Variants in ANKRD11 observed in about 807,000 individuals in gnomAD.
The protein encoded by ANKRD11 is ankyrin repeat domain 11.
A neutral mutation model predicts 195.7 loss-of-function variants in ANKRD11; 17 were observed. The observed-to-expected ratio is 0.09, with a 90% confidence interval of 0.06 to 0.13. The LOEUF (loss-of-function observed/expected upper bound fraction) is 0.13, where lower values mean the gene tolerates loss of function less well. ANKRD11 is among the 10% of genes least tolerant of loss of function. The pLI is 1.00. For missense variants in ANKRD11, 3,735 were observed against 3,566.1 expected (o/e 1.05, Z -1.21); for synonymous variants, 1,953 against 1,528.1 (o/e 1.28, Z -6.49).
chr16:89,390,029 A>G (rs2911250), intron 2 of ANKRD11, among the ~76,000 whole-genome samples: 25 of 47,702 alleles, frequency 5.2e-4, no homozygotes, highest in South Asian at 2.1e-3. Flanking sequence ...ACCGAGTGTG[A>G]CGGGGAGCAC....
At chr16:89,485,773 G>C (rs1331430518) in intron 1 of ANKRD11, among the ~76,000 whole-genome samples, 2 of 152,154 alleles carry the variant, frequency 1.3e-5, no homozygotes, top group African/African-American at 4.8e-5. Flanking sequence ...CCTCCAAAGA[G>C]ATCATTTTTT....
chr16:89,418,387 A>G lies in ANKRD11; in HGVS notation c.-144-19T>C. 2.3e-6 allele frequency: 1 copy of G among 431,086 alleles called. No individual in the cohort carries two copies. The highest frequency in any genetic ancestry group is 2.0e-5 in the African/African-American group (1 of 49,604). 26.7% of individuals were successfully genotyped at this position (431,086 alleles called of 1,614,324 possible). A position where few individuals can be genotyped will look rare whatever the true frequency, so the allele number is the denominator to read the frequency against. ...ATATATTCTGAAACAAGAGAGTGAGATTAGCTCATGTCAATAATAATTTCA... is the reference window on the plus strand; with the variant it reads ...ATATATTCTGAAACAAGAGAGTGAGGTTAGCTCATGTCAATAATAATTTCA... On this transcript the variant is annotated intron_variant, in intron 1 of 12. Coordinates refer to ENST00000301030, the MANE Select transcript of ANKRD11 (RefSeq NM_013275.6).
intron 2 of ANKRD11, among the ~76,000 whole-genome samples, chr16:89,384,430 C>T (rs1021659814): frequency 3.9e-5 from 6 of 151,918 alleles, no homozygotes; most frequent in African/African-American, 1.2e-4. Context: ...ATGTGGGGGG[C>T]TGAGGCAGAG....
intron 2 of ANKRD11, among the ~76,000 whole-genome samples, chr16:89,341,822 A>C (rs1400040726): frequency 6.6e-6 from 1 of 152,202 alleles, no homozygotes; most frequent in African/African-American, 2.4e-5. Context: ...ACCAGCCCAC[A>C]GCAGCCACGG....
chr16:89,281,021 C>T lies in ANKRD11; in HGVS notation c.5521G>A (p.Glu1841Lys), dbSNP rs1254840125. 5.7e-6 allele frequency: 9 copies of T among 1,591,506 alleles called. No homozygotes were observed. The Admixed American group carries it at 1.2e-4, about 21-fold the overall frequency. Residue 1841 changes from glutamate to lysine, a missense_variant, in exon 9 of 13, where the codon GAG (glutamate) becomes AAG (lysine). Transcript: ENST00000301030. The surrounding 1 kb of genome is among the most constrained non-coding windows in gnomAD (Gnocchi z 5.5). ...CCTGGCGACAAGCAGGCAAACTTCT[C>T]CGCGGGAACCGGGGGCAGGGGCGCC... is the stretch of plus-strand genomic sequence containing the variant. ...DRAPLPPVPAEKFACLSPGYY... is the reference protein window; with the variant it reads ...DRAPLPPVPAKKFACLSPGYY...
rs1597483524 is a variant in ANKRD11 at position 89,290,291 on chromosome 16, GCC to G, written c.601+332_601+333del. Among the ~76,000 whole-genome samples, 3 of 70,182 alleles carry G rather than the reference GCC, an allele frequency of 4.3e-5. 1 individual carries two copies. The highest frequency in any genetic ancestry group is 1.8e-4 in the African/African-American group (3 of 16,962). The allele number at this position is 70,182 out of a possible 152,430, so 46.0% of individuals were successfully genotyped here. On this transcript the variant is annotated intron_variant, in intron 6 of 12. Coordinates refer to ENST00000301030, the MANE Select transcript of ANKRD11 (RefSeq NM_013275.6). ...CAATGGGGGTAGGCTCAGGGCTCCA[GCC>G]GGGGGAGGCTCAGGGCTCCAATGGG...
intron 2 of ANKRD11, among the ~76,000 whole-genome samples, chr16:89,347,426 G>C (rs1359770982): frequency 6.6e-6 from 1 of 152,050 alleles, no homozygotes; most frequent in Non-Finnish European, 1.5e-5. Context: ...TGGCTAGCAC[G>C]GTGAAACCCC....
chr16:89,284,055 G>A lies in ANKRD11; in HGVS notation c.2487C>T (p.Thr829=), dbSNP rs376806924. 3 of 1,613,938 alleles carry A rather than the reference G, an allele frequency of 1.9e-6. No homozygotes were observed. In the East Asian group the frequency reaches 6.7e-5, roughly 36 times the overall value. ...NKNQFLENED[T]KFSLSDDQRD... ...GCTGATCGTCAGAAAGGCTAAATTT[G>A]GTGTCTTCATTCTCCAGAAACTGAT... is the stretch of plus-strand genomic sequence containing the variant. Residue 829 remains threonine, a synonymous_variant, in exon 9 of 13, where the codon ACC becomes ACT. Transcript: ENST00000301030.
chr16:89,269,248 G>A (rs2032918709), intron 12 of ANKRD11, among the ~76,000 whole-genome samples: 1 of 151,256 alleles, frequency 6.6e-6, no homozygotes, highest in South Asian at 2.1e-4. Flanking sequence ...CTTGACCTCT[G>A]GGGCTCAAGG....
intron 1 of ANKRD11, among the ~76,000 whole-genome samples, chr16:89,466,443 T>TA (rs965055199): frequency 1.3e-5 from 2 of 152,118 alleles, no homozygotes; most frequent in Non-Finnish European, 2.9e-5. Flanking sequence ...ATGAATATAC[T>TA]AAAAATCACT....
intron 2 of ANKRD11, among the ~76,000 whole-genome samples, chr16:89,379,711 G>A (rs559890655): frequency 5.9e-5 from 9 of 152,364 alleles, no homozygotes; most frequent in African/African-American, 2.2e-4. Flanking sequence ...GCTCCGTGCA[G>A]TGCACGGATT....
chr16:89,471,585 G>T lies in ANKRD11; in HGVS notation c.-145+18660C>A, dbSNP rs1242403525. On this transcript the variant is annotated intron_variant, in intron 1 of 12. Coordinates refer to ENST00000301030, the MANE Select transcript of ANKRD11 (RefSeq NM_013275.6). ...AGGTGGGCAGATCACCTGAGGTCAG[G>T]ACCAGCTTGGCCCACATGATGAAAC... Among the ~76,000 whole-genome samples the T allele has an allele frequency of 2.0e-5, 3 of 152,000 alleles. No individual in the cohort carries two copies. The South Asian group carries it at 6.2e-4, about 31-fold the overall frequency.
chr16:89,319,580 A>G (rs952333112), intron 2 of ANKRD11, among the ~76,000 whole-genome samples: 4 of 152,108 alleles, frequency 2.6e-5, no homozygotes, highest in Non-Finnish European at 5.9e-5. Flanking sequence ...ACAACATGTT[A>G]CCGATGGCAG....
Position 89,389,256 on chromosome 16 carries a change from C to G in ANKRD11, c.-60+29028G>C, listed in dbSNP as rs181018167. Among the ~76,000 whole-genome samples the G allele has an allele frequency of 7.0e-4, 106 of 152,068 alleles. 2 individuals carry two copies. The East Asian group carries it at 0.016, about 24-fold the overall frequency. ...CCCAGTCTGGTCTCAAACTCCTGGGCTCAAGCAATCTTCCCACCTTGGCTT... is the reference window on the plus strand; with the variant it reads ...CCCAGTCTGGTCTCAAACTCCTGGGGTCAAGCAATCTTCCCACCTTGGCTT... On this transcript the variant is annotated intron_variant, in intron 2 of 12. Coordinates refer to ENST00000301030, the MANE Select transcript of ANKRD11 (RefSeq NM_013275.6).
At chr16:89,404,441 C>T (rs574708674) in intron 2 of ANKRD11, among the ~76,000 whole-genome samples, 42 of 152,320 alleles carry the variant, frequency 2.8e-4, no homozygotes, top group Admixed American at 7.8e-4. Context: ...GAAAAATTTT[C>T]CTCTGCTTTT....
intron 2 of ANKRD11, among the ~76,000 whole-genome samples, chr16:89,319,439 G>T (rs2037168095): frequency 6.6e-6 from 1 of 152,212 alleles, no homozygotes; most frequent in Non-Finnish European, 1.5e-5. Context: ...AACACTCCGG[G>T]GACTCGGGAG....
chr16:89,489,511 A>G (rs1349407491), intron 1 of ANKRD11, among the ~76,000 whole-genome samples: 1 of 132,882 alleles, frequency 7.5e-6, no homozygotes, highest in Non-Finnish European at 1.6e-5. Flanking sequence ...CCAGGTCCCC[A>G]GTTCGCCCTC....
intron 2 of ANKRD11, chr16:89,320,231 T>C (rs2037222400): frequency 6.6e-6 from 1 of 152,244 alleles, no homozygotes; most frequent in African/African-American, 2.4e-5. Flanking sequence ...CTCATCACGA[T>C]GCTGCACAGC....
intron 2 of ANKRD11, among the ~76,000 whole-genome samples, chr16:89,382,651 T>TC (rs563442041): frequency 9.2e-4 from 135 of 147,076 alleles, no homozygotes; most frequent in Non-Finnish European, 1.6e-3. Context: ...AATAAACAAT[T>TC]CCCCCCCTCC....
Sources: gnomAD v4.1 joint callset for allele counts (sites outside exome capture counted in the v4.1 genomes callset) on GRCh38, gnomAD v4.1.1 for gene constraint, Gnocchi (gnomAD v3.1) non-coding constraint, MANE v1.5 for transcripts, NCBI Gene and HGNC (gene_info 2026-07-23, HGNC 2026-07-21) for gene names.